Variants in CPXM2 observed in about 807,000 individuals in gnomAD.
CPXM2 encodes the protein inactive carboxypeptidase-like protein X2.
In CPXM2, 66 loss-of-function variants were observed where a neutral mutation model predicts 86.1. That is an observed-to-expected ratio of 0.77 (90% CI 0.63 to 0.94). The LOEUF (loss-of-function observed/expected upper bound fraction) is 0.94. CPXM2 is among the 40% of genes least tolerant of loss of function. CPXM2 has a pLI of 0.00. For synonymous variants in CPXM2, 388 were observed against 400.2 expected, an observed-to-expected ratio of 0.97 and a Z score of 0.36; for missense variants, 948 against 1,026.3, an observed-to-expected ratio of 0.92 and a Z score of 1.04.
At chr10:123,777,150 A>G (rs1846812065) in intron 7 of CPXM2, 1 of 152,244 alleles carries the variant, frequency 6.6e-6, no homozygotes. Flanking sequence ...TGGGTCAGCC[A>G]TGGTCCCCAC....
chr10:123,799,425 A>T (rs981514742), intron 4 of CPXM2, among the ~76,000 whole-genome samples: 1 of 152,216 alleles, frequency 6.6e-6, no homozygotes, highest in African/African-American at 2.4e-5. Context: ...ATCAACCTTA[A>T]AGAATTAATG....
chr10:123,853,594 A>C (rs1848646843), intron 3 of CPXM2, among the ~76,000 whole-genome samples: 1 of 152,216 alleles, frequency 6.6e-6, no homozygotes, highest in African/African-American at 2.4e-5. Context: ...TGTTGTTATA[A>C]TAAAATGAAT....
At chr10:123,915,553 CAAAAAAAATAA>C (rs1254722184) in intron 2 of CPXM2, among the ~76,000 whole-genome samples, 8 of 129,348 alleles carry the variant, frequency 6.2e-5, no homozygotes, top group African/African-American at 2.1e-4. Context: ...GCGAGATTGT[CAAAAAAAATAA>C]AAATAAAAAT....
upstream of CPXM2, among the ~76,000 whole-genome samples, chr10:123,894,937 T>C (rs938181786): frequency 6.6e-6 from 1 of 151,900 alleles, no homozygotes; most frequent in African/African-American, 2.4e-5. Flanking sequence ...AAGCCATTCA[T>C]TCTCCCTAAA....
chr10:123,843,392 G>A (rs1011496483), intron 3 of CPXM2: 74 of 328,842 alleles, frequency 2.3e-4, no homozygotes, highest in Non-Finnish European at 3.6e-4. Flanking sequence ...AAGCATCCTC[G>A]TTTATTAACC....
intron 6 of CPXM2, among the ~76,000 whole-genome samples, chr10:123,796,299 A>G (rs1847334329): frequency 6.6e-6 from 1 of 152,254 alleles, no homozygotes; most frequent in African/African-American, 2.4e-5. Flanking sequence ...GGACAGAGCA[A>G]TAAGAATGTT....
At chr10:123,782,719 G>A (rs75287768) in intron 6 of CPXM2, among the ~76,000 whole-genome samples, 6,990 of 152,234 alleles carry the variant, frequency 0.046, 193 homozygotes, top group African/African-American at 0.076. Flanking sequence ...GTGGACAAGA[G>A]AAGCCCTTCC....
intron 3 of CPXM2, among the ~76,000 whole-genome samples, chr10:123,849,855 C>A (rs1341558346): frequency 6.6e-6 from 1 of 152,318 alleles, no homozygotes; most frequent in Non-Finnish European, 1.5e-5. Context: ...TTTTGACAAA[C>A]TGCATGTACC....
intron 2 of CPXM2, among the ~76,000 whole-genome samples, chr10:123,931,015 A>T (rs1158586898): frequency 6.6e-6 from 1 of 152,216 alleles, no homozygotes; most frequent in Non-Finnish European, 1.5e-5. Context: ...GTGTACACCC[A>T]TATTCATGGG....
intron 2 of CPXM2, among the ~76,000 whole-genome samples, chr10:123,925,757 T>TATTC (rs2134282465): frequency 6.6e-6 from 1 of 152,340 alleles, no homozygotes; most frequent in East Asian, 1.9e-4. Context: ...CTATAAGAGT[T>TATTC]ATTCATTCAT....
chr10:123,895,360 G>A (rs879356032), upstream of CPXM2, among the ~76,000 whole-genome samples: 33 of 152,134 alleles, frequency 2.2e-4, no homozygotes, highest in Middle Eastern at 6.8e-3. Flanking sequence ...CTGACCTCAG[G>A]TGATCCACCC....
intron 7 of CPXM2, among the ~76,000 whole-genome samples, chr10:123,773,566 T>G (rs922140230): frequency 5.9e-5 from 9 of 152,200 alleles, no homozygotes; most frequent in African/African-American, 1.9e-4. Context: ...TAATATCAAC[T>G]TTTTCTCATA....
chr10:123,934,720 G>A (rs1029229299), intron 2 of CPXM2, among the ~76,000 whole-genome samples: 1 of 152,088 alleles, frequency 6.6e-6, no homozygotes, highest in Admixed American at 6.5e-5. Flanking sequence ...CCCATGGGAG[G>A]CCCTTCATCC....
At chr10:123,860,970 C>T (rs1450892429) in intron 3 of CPXM2, among the ~76,000 whole-genome samples, 5 of 152,050 alleles carry the variant, frequency 3.3e-5, no homozygotes, top group Admixed American at 6.5e-5. Context: ...TTAAGCAGTT[C>T]GAAAGTCTGT....
chr10:123,926,795 C>T (rs1026480445), intron 2 of CPXM2, among the ~76,000 whole-genome samples: 2 of 152,208 alleles, frequency 1.3e-5, no homozygotes, highest in African/African-American at 2.4e-5. Context: ...GAAGACAAGA[C>T]AGGGGAATCC....
intron 11 of CPXM2, among the ~76,000 whole-genome samples, chr10:123,759,226 G>A (rs186800332): frequency 1.3e-5 from 2 of 152,362 alleles, no homozygotes; most frequent in Non-Finnish European, 2.9e-5. Flanking sequence ...ATTACAGACA[G>A]TGCAAGAAGG....
chr10:123,805,109 A>T (rs575586577), intron 4 of CPXM2, among the ~76,000 whole-genome samples: 3 of 152,172 alleles, frequency 2.0e-5, no homozygotes, highest in South Asian at 2.1e-4. Flanking sequence ...AAACATCAAG[A>T]TGTTTTCATT....
chr10:123,907,567 G>A (rs1945454185), intron 2 of CPXM2, among the ~76,000 whole-genome samples: 2 of 143,858 alleles, frequency 1.4e-5, no homozygotes, highest in African/African-American at 2.6e-5. Context: ...TAGGTGACAC[G>A]GCACCATCCT....
At chr10:123,919,921 T>C (rs1248422808) in intron 2 of CPXM2, among the ~76,000 whole-genome samples, 2 of 151,442 alleles carry the variant, frequency 1.3e-5, no homozygotes, top group Non-Finnish European at 2.9e-5. Context: ...GAGGAGGAGG[T>C]TCCAGGCTCT....
Sources: gnomAD v4.1 joint callset for allele counts (sites outside exome capture counted in the v4.1 genomes callset) on GRCh38, gnomAD v4.1.1 for gene constraint, MANE v1.5 for transcripts, NCBI Gene and HGNC (gene_info 2026-07-23, HGNC 2026-07-21) for gene names.